FCRL2: variants seen among roughly 807,000 people sequenced by gnomAD.
FCRL2 encodes the protein Fc receptor-like protein 2.
A neutral mutation model predicts 59.8 loss-of-function variants in FCRL2; 48 were observed. The observed-to-expected ratio is 0.80, with a 90% CI of 0.64 to 1.02. The LOEUF is 1.02. FCRL2 is among the 50% of genes least tolerant of loss of function. The pLI is 0.00. For missense variants in FCRL2, 658 were observed against 597.3 expected (o/e 1.10, Z -1.06); for synonymous variants, 251 against 229.5 (o/e 1.09, Z -0.85).
chr1:157,747,017 C>G (rs1277181406), intron 10 of FCRL2, 118 bp from the exon 11 acceptor site: 2 of 1,083,756 alleles, frequency 1.8e-6, no homozygotes, highest in Non-Finnish European at 2.7e-6. Context: ...CCATTTTCTC[C>G]TGTTCTGTAA....
In FCRL2 at chr1:157,749,815, G is replaced by GGCTACTT. The variant is rs1648045272; in HGVS notation, c.1280-145_1280-139dup. On this transcript the variant is annotated intron_variant, in intron 7 of 11. Transcript: ENST00000361516. The stretch of plus-strand genomic sequence containing the variant: ...TAATCCAATTGTATTTCATCTAAAT[G>GGCTACTT]GCTACTTATTTATTCCAACACAACT... The GGCTACTT allele has an allele frequency of 5.5e-6, 3 of 543,938 alleles. No homozygotes were observed. The South Asian group carries it at 1.1e-4, about 20-fold the overall frequency. The allele number at this position is 543,938 out of a possible 1,614,324, so 33.7% of individuals were successfully genotyped here. A position where few individuals can be genotyped will look rare whatever the true frequency, so the allele number is the denominator to read the frequency against.
intron 7 of FCRL2, among the ~76,000 whole-genome samples, chr1:157,755,710 A>G (rs912580291): frequency 2.7e-4 from 41 of 152,242 alleles, no homozygotes; most frequent in Non-Finnish European, 4.6e-4. Flanking sequence ...AGTTCTATAC[A>G]TATTTATATC....
intron 2 of FCRL2, among the ~76,000 whole-genome samples, chr1:157,774,278 G>A (rs141679296): frequency 6.6e-6 from 1 of 152,136 alleles, no homozygotes; most frequent in African/African-American, 2.4e-5. Context: ...GCAGGGGATT[G>A]TAATTCTCAA....
At chr1:157,754,267 C>T (rs1648418240) in intron 7 of FCRL2, among the ~76,000 whole-genome samples, 1 of 152,110 alleles carries the variant, frequency 6.6e-6, no homozygotes, top group Non-Finnish European at 1.5e-5. Flanking sequence ...CAGCAGAAAC[C>T]CACCAAAACC....
intron 7 of FCRL2, among the ~76,000 whole-genome samples, chr1:157,758,550 T>C (rs1249129882): frequency 2.6e-5 from 4 of 151,982 alleles, no homozygotes; most frequent in African/African-American, 9.7e-5. Context: ...GGCCACACTC[T>C]TCAAAGCTAT....
chr1:157,765,938 T>C (rs1649456023), intron 7 of FCRL2, among the ~76,000 whole-genome samples: 1 of 152,184 alleles, frequency 6.6e-6, no homozygotes, highest in Non-Finnish European at 1.5e-5. Context: ...CTGACTACTT[T>C]AAGGTCATCA....
rs16839038 is a variant in FCRL2 at position 157,749,634 on chromosome 1, T to G, written c.1307+16A>C. The G allele has an allele frequency of 4.4e-6, 7 of 1,596,378 alleles. No individual in the cohort carries two copies. The highest frequency in any genetic ancestry group is 4.0e-5 in the African/African-American group (3 of 74,404). Reference sequence around the variant, plus strand: ...AGACCTCTAGAATTAAAATTTTTACTAGGAAGAGTTCTCACCTGGGTTCAT... The same window carrying G: ...AGACCTCTAGAATTAAAATTTTTACGAGGAAGAGTTCTCACCTGGGTTCAT... On this transcript the variant is annotated intron_variant, in intron 8 of 11. Transcript: ENST00000361516.
intron 7 of FCRL2, among the ~76,000 whole-genome samples, chr1:157,751,331 A>G (rs1648168797): frequency 6.6e-6 from 1 of 152,212 alleles, no homozygotes; most frequent in Non-Finnish European, 1.5e-5. Flanking sequence ...AGAGGCTAAG[A>G]GAAGATTTAT....
At chr1:157,766,736 A>G (rs768204560) in intron 7 of FCRL2, 119 bp downstream of exon 7, 10 of 1,515,758 alleles carry the variant, frequency 6.6e-6, no homozygotes, top group Non-Finnish European at 8.0e-6. Context: ...TGAAGCATAA[A>G]AAGAAATTAT....
At chr1:157,767,593 G>A in intron 5 of FCRL2, 84 bp from the exon 6 acceptor site, 1 of 1,614,154 alleles carries the variant, frequency 6.2e-7, no homozygotes, top group East Asian at 2.2e-5. Context: ...CTCAGCAAAG[G>A]GCCTGGCCCC....
rs867682095 is a variant in FCRL2 at position 157,774,321 on chromosome 1, G to A, written c.52+1454C>T. The A allele has an allele frequency of 3.6e-5, 14 of 391,416 alleles. 1 individual carries two copies. The Middle Eastern group carries it at 3.3e-3, about 91-fold the overall frequency. 24.2% of individuals were successfully genotyped at this position (391,416 alleles called of 1,614,324 possible). ...GAAACTTTTCCCCAGAGCCAAGACTGGGGTTCAGAGGCCAAGTGACTGCCC... is the reference window on the plus strand; with the variant it reads ...GAAACTTTTCCCCAGAGCCAAGACTAGGGTTCAGAGGCCAAGTGACTGCCC... On this transcript the variant is annotated intron_variant, in intron 2 of 11. Coordinates refer to ENST00000361516, the MANE Select transcript of FCRL2 (RefSeq NM_030764.4).
intron 7 of FCRL2, among the ~76,000 whole-genome samples, chr1:157,751,212 A>G (rs1322235034): frequency 6.6e-6 from 1 of 152,322 alleles, no homozygotes; most frequent in African/African-American, 2.4e-5. Context: ...ATAAATTCTA[A>G]GAGTTTTACC....
chr1:157,752,657 C>A (rs1387363317), intron 7 of FCRL2, among the ~76,000 whole-genome samples: 2 of 152,068 alleles, frequency 1.3e-5, no homozygotes, highest in South Asian at 2.1e-4. Flanking sequence ...TCTAAGAGTA[C>A]CCTTGTTAGA....
intron 2 of FCRL2, among the ~76,000 whole-genome samples, chr1:157,773,524 G>A (rs1172520054): frequency 2.0e-5 from 3 of 152,178 alleles, no homozygotes; most frequent in Non-Finnish European, 4.4e-5. Flanking sequence ...TGAGAGTGAT[G>A]TCCTACCTAT....
chr1:157,760,719 G>GAAAGAA (rs1648998637), intron 7 of FCRL2, among the ~76,000 whole-genome samples: 1 of 138,784 alleles, frequency 7.2e-6, no homozygotes, highest in African/African-American at 2.7e-5. Flanking sequence ...AAGAAAGAAA[G>GAAAGAA]AAAGAAAGAA....
chr1:157,762,676 G>T (rs1477487242), intron 7 of FCRL2, among the ~76,000 whole-genome samples: 1 of 152,086 alleles, frequency 6.6e-6, no homozygotes, highest in African/African-American at 2.4e-5. Context: ...TACAAAGACA[G>T]AATTTTTTAA....
chr1:157,776,903 T>C (rs912206904), intron 1 of FCRL2, 140 bp downstream of exon 1: 288 of 765,766 alleles, frequency 3.8e-4, no homozygotes, highest in Non-Finnish European at 5.8e-4. Flanking sequence ...CTTCTTTGCA[T>C]CTGCCTTTGA....
At chr1:157,750,639 T>G (rs1212846315) in intron 7 of FCRL2, among the ~76,000 whole-genome samples, 1 of 152,240 alleles carries the variant, frequency 6.6e-6, no homozygotes, top group African/African-American at 2.4e-5. Context: ...AACTTTGATT[T>G]AGTTTTCCAA....
intron 7 of FCRL2, among the ~76,000 whole-genome samples, chr1:157,757,676 T>C (rs1158298106): frequency 6.6e-6 from 1 of 152,080 alleles, no homozygotes; most frequent in Non-Finnish European, 1.5e-5. Context: ...AAAATTAATT[T>C]TGGGGGCTGG....
Sources: allele counts gnomAD v4.1 joint callset (sites outside exome capture counted in the v4.1 genomes callset), GRCh38; gene constraint gnomAD v4.1.1; transcripts MANE v1.5; gene names NCBI Gene and HGNC (gene_info 2026-07-23, HGNC 2026-07-21).